The following TRABD2B variants were observed in gnomAD, a reference collection of about 807,000 sequenced individuals.
TRABD2B encodes metalloprotease TIKI2.
In TRABD2B, 14 loss-of-function variants were observed where a neutral mutation model predicts 40.1. The ratio of observed to expected loss-of-function variants is 0.35; its 90% CI spans 0.23 to 0.55. The LOEUF (loss-of-function observed/expected upper bound fraction) is 0.55, where lower values mean the gene tolerates loss of function less well. Among genes scored for constraint, TRABD2B ranks in the 20% least tolerant of loss-of-function variants. The pLI, the probability that TRABD2B is intolerant of heterozygous loss-of-function variation, is 0.90. For synonymous variants in TRABD2B, 263 were observed against 277.0 expected (o/e 0.95, Z 0.50); for missense variants, 541 against 648.6 (o/e 0.83, Z 1.80).
intron 2 of TRABD2B, among the ~76,000 whole-genome samples, chr1:47,877,134 T>A (rs922822804): frequency 2.0e-5 from 3 of 151,926 alleles, no homozygotes; most frequent in African/African-American, 7.3e-5. Flanking sequence ...AAAAGGACTC[T>A]TTGAGTTTGT....
intron 2 of TRABD2B, among the ~76,000 whole-genome samples, chr1:47,974,478 C>T (rs1481420201): frequency 1.3e-5 from 2 of 152,158 alleles, no homozygotes; most frequent in African/African-American, 4.8e-5. Flanking sequence ...CAGCCTGGTC[C>T]CTCTCTAGCC....
rs899226057 is a variant in TRABD2B, at chr1:47,967,617, A to G, written c.666+26417T>C. On this transcript the variant is annotated intron_variant, in intron 2 of 6. Coordinates refer to ENST00000606738, the MANE Select transcript of TRABD2B (RefSeq NM_001194986.2). Reference sequence around the variant, plus strand: ...CACTGCAAAGGATGCTGGCTCCAGTAAGAAGTCAAAATGTTCTGCCTGACT... The same window carrying G: ...CACTGCAAAGGATGCTGGCTCCAGTGAGAAGTCAAAATGTTCTGCCTGACT... Among the ~76,000 whole-genome samples the G allele has an allele frequency of 2.6e-5, 4 of 152,352 alleles. No homozygotes were observed. The East Asian group carries it at 7.7e-4, about 29-fold the overall frequency.
At chr1:47,823,985 T>G (rs1287998832) in intron 2 of TRABD2B, among the ~76,000 whole-genome samples, 1 of 152,186 alleles carries the variant, frequency 6.6e-6, no homozygotes, top group Non-Finnish European at 1.5e-5. Context: ...TGTGGACAGC[T>G]TCTTGGGTCC....
chr1:47,791,186 A>G (rs1356810655), intron 4 of TRABD2B, among the ~76,000 whole-genome samples: 1 of 152,198 alleles, frequency 6.6e-6, no homozygotes, highest in African/African-American at 2.4e-5. Context: ...TGGAGGGGCC[A>G]GGCAGGCGGA....
At chr1:47,873,008 G>C (rs1477256619) in intron 2 of TRABD2B, among the ~76,000 whole-genome samples, 1 of 152,180 alleles carries the variant, frequency 6.6e-6, no homozygotes, top group African/African-American at 2.4e-5. Context: ...TTCAGTGCCT[G>C]GTGGGGCCCA....
chr1:47,844,044 A>G (rs1645434614), intron 2 of TRABD2B, among the ~76,000 whole-genome samples: 1 of 152,180 alleles, frequency 6.6e-6, no homozygotes, highest in Non-Finnish European at 1.5e-5. Context: ...CCCACAAGGA[A>G]AAGCTGGAGC....
chr1:47,794,793 T>A, intron 3 of TRABD2B, 33 bp from the exon 4 acceptor site: 4 of 1,116,958 alleles, frequency 3.6e-6, no homozygotes, highest in Non-Finnish European at 4.6e-6. Flanking sequence ...GCCTTCAGTT[T>A]TTTTTTTTTT....
chr1:47,802,270 T>C (rs751634533), intron 2 of TRABD2B, among the ~76,000 whole-genome samples: 1 of 152,202 alleles, frequency 6.6e-6, no homozygotes. Flanking sequence ...GATGCCCAGA[T>C]CTCGCCCTCT....
intron 2 of TRABD2B, among the ~76,000 whole-genome samples, chr1:47,932,287 G>C (rs1645049505): frequency 6.6e-6 from 1 of 152,164 alleles, no homozygotes; most frequent in Non-Finnish European, 1.5e-5. Context: ...GGATTCCCTG[G>C]AGTATAGCTA....
intron 2 of TRABD2B, among the ~76,000 whole-genome samples, chr1:47,865,217 G>A (rs1644037961): frequency 6.6e-6 from 1 of 152,054 alleles, no homozygotes; most frequent in Non-Finnish European, 1.5e-5. Flanking sequence ...ATCACAGTAG[G>A]GCCCAGGCCT....
At position 47,793,797 on chromosome 1, in the gene TRABD2B, G is replaced by C. The variant is rs117697064; in HGVS notation, c.988+789C>G. On this transcript the variant is annotated intron_variant, in intron 4 of 6. Coordinates refer to ENST00000606738, the MANE Select transcript of TRABD2B (RefSeq NM_001194986.2). Reference sequence around the variant, plus strand: ...ACAGCCATATAGAAGGAAACAAAGAGTGAGGGAGGAGAGGAAAAATGAAAG... The same window carrying C: ...ACAGCCATATAGAAGGAAACAAAGACTGAGGGAGGAGAGGAAAAATGAAAG... Among the ~76,000 whole-genome samples the C allele has an allele frequency of 4.1e-4, 63 of 152,350 alleles. 1 individual carries two copies. In the East Asian group the frequency reaches 8.1e-3, roughly 20 times the overall value.
At chr1:47,803,287 C>T (rs765764571) in intron 2 of TRABD2B, among the ~76,000 whole-genome samples, 2 of 152,234 alleles carry the variant, frequency 1.3e-5, no homozygotes, top group Non-Finnish European at 2.9e-5. Context: ...TTTGTAGCTC[C>T]TTTCCAGTCT....
At chr1:47,995,112 T>C (rs532666877) in intron 1 of TRABD2B, among the ~76,000 whole-genome samples, 3 of 152,312 alleles carry the variant, frequency 2.0e-5, no homozygotes, top group African/African-American at 4.8e-5. Context: ...GAGGAAGTCA[T>C]ATAACTTTTA....
intron 2 of TRABD2B, among the ~76,000 whole-genome samples, chr1:47,964,990 A>C (rs1050278034): frequency 9.2e-5 from 14 of 151,838 alleles, no homozygotes; most frequent in African/African-American, 3.4e-4. Context: ...CAGGGCACTG[A>C]GCCATCTGAC....
chr1:47,767,386 C>A (rs1470672915), intron 6 of TRABD2B, among the ~76,000 whole-genome samples: 1 of 152,158 alleles, frequency 6.6e-6, no homozygotes, highest in Non-Finnish European at 1.5e-5. Flanking sequence ...GCCTGAAAGG[C>A]ATAGTGAATT....
intron 2 of TRABD2B, among the ~76,000 whole-genome samples, chr1:47,888,388 G>A (rs575592202): frequency 7.9e-5 from 12 of 152,296 alleles, no homozygotes; most frequent in African/African-American, 2.2e-4. Context: ...TCATCTGCAG[G>A]TGCAGTGCCC....
At chr1:47,894,294 C>T (rs979388227) in intron 2 of TRABD2B, among the ~76,000 whole-genome samples, 3 of 152,182 alleles carry the variant, frequency 2.0e-5, no homozygotes, top group Non-Finnish European at 4.4e-5. Context: ...ATTTCCGTAT[C>T]TCTGTAATGG....
intron 2 of TRABD2B, among the ~76,000 whole-genome samples, chr1:47,857,120 A>T (rs1643900658): frequency 6.6e-6 from 1 of 152,192 alleles, no homozygotes; most frequent in Non-Finnish European, 1.5e-5. Flanking sequence ...GTTCACCTTT[A>T]TGTTTTGGAG....
intron 2 of TRABD2B, among the ~76,000 whole-genome samples, chr1:47,863,800 A>C (rs1184527891): frequency 6.6e-6 from 1 of 152,214 alleles, no homozygotes; most frequent in Non-Finnish European, 1.5e-5. Context: ...GTACACAGAC[A>C]TTTATAACAG....
Sources: allele counts gnomAD v4.1 joint callset (sites outside exome capture counted in the v4.1 genomes callset), GRCh38; gene constraint gnomAD v4.1.1; transcripts MANE v1.5; gene names NCBI Gene and HGNC (gene_info 2026-07-23, HGNC 2026-07-21).